Variants in KHK observed in about 807,000 individuals in gnomAD.
The protein encoded by KHK is ketohexokinase.
A neutral mutation model predicts 36.0 loss-of-function variants in KHK; 37 were observed. The ratio of observed to expected loss-of-function variants is 1.03; its 90% CI spans 0.79 to 1.35. KHK has a LOEUF of 1.35. Ranked by LOEUF, KHK falls within the 40% of genes most tolerant of loss-of-function variation. The probability of loss-of-function intolerance (pLI) is 0.00; values close to 1 mark genes in which losing one functional copy is unlikely to be tolerated. For missense variants in KHK, 395 were observed against 391.9 expected, an observed-to-expected ratio of 1.01 and a Z score of -0.07; for synonymous variants, 161 against 162.8, an observed-to-expected ratio of 0.99 and a Z score of 0.08.
intron 4 of KHK, 78 bp downstream of exon 4, chr2:27,096,879 T>C (rs942038444): frequency 9.4e-5 from 100 of 1,066,262 alleles, no homozygotes; most frequent in Non-Finnish European, 1.3e-4. Flanking sequence ...TTGGTTTCTT[T>C]GAATCATGAA....
chr2:27,095,913 T>G (rs919921497), intron 3 of KHK, among the ~76,000 whole-genome samples: 5 of 152,242 alleles, frequency 3.3e-5, no homozygotes, highest in African/African-American at 1.2e-4. Context: ...ACAACATAGC[T>G]ATTTACAGGA....
Position 27,094,466 on chromosome 2 carries a change from C to T in KHK, c.210-334C>T, listed in dbSNP as rs368871098. 1.7e-5 allele frequency: 27 copies of T among 1,612,690 alleles called. No individual in the cohort carries two copies. Among genetic ancestry groups the T allele is most frequent in the Non-Finnish European group, 1.9e-5 (23 of 1,180,020 alleles). On this transcript the variant is annotated intron_variant, in intron 2 of 7. Transcript: ENST00000260598. ...GAACTGCACCCCCTTCGGGTTACTC[C>T]GCCCTAGCAGTTTTGTCCTGGATGA...
chr2:27,098,257 A>T (rs1477783804), intron 5 of KHK, among the ~76,000 whole-genome samples: 1 of 152,072 alleles, frequency 6.6e-6, no homozygotes, highest in South Asian at 2.1e-4. Context: ...GTAGTGGCTC[A>T]CACTTGTAAT....
chr2:27,087,686 C>T (rs951180841), intron 1 of KHK, among the ~76,000 whole-genome samples: 1 of 152,236 alleles, frequency 6.6e-6, no homozygotes, highest in African/African-American at 2.4e-5. Flanking sequence ...TCCAGGGGCA[C>T]ACAGCTACCT....
Position 27,086,962 on chromosome 2 carries a change from G to A in KHK, c.-298G>A. 2.8e-6 allele frequency: 1 copy of A among 357,592 alleles called. No individual in the cohort carries two copies. The highest frequency in any genetic ancestry group is 5.2e-6 in the Non-Finnish European group (1 of 193,308). 22.2% of individuals were successfully genotyped at this position (357,592 alleles called of 1,614,324 possible). On this transcript the variant is annotated 5_prime_UTR_variant, in exon 1 of 8. Coordinates refer to ENST00000260598, the MANE Select transcript of KHK (RefSeq NM_006488.3). ...TGACAAGCGAGGAAACTAAGGCTGA[G>A]AAGTGGGAGGCGTTGCCATCTGCAG...
At chr2:27,088,960 TGA>T (rs1669826284) in intron 1 of KHK, among the ~76,000 whole-genome samples, 1 of 151,992 alleles carries the variant, frequency 6.6e-6, no homozygotes, top group South Asian at 2.1e-4. Context: ...CTAACTGAGG[TGA>T]GAGACCCCGA....
At chr2:27,090,362 G>A (rs1031480208) in intron 1 of KHK, among the ~76,000 whole-genome samples, 5 of 151,904 alleles carry the variant, frequency 3.3e-5, no homozygotes, top group African/African-American at 1.2e-4. Context: ...CAGATCCCTC[G>A]AGATTCCTCC....
chr2:27,096,442 T>C (rs1670354524), intron 3 of KHK, among the ~76,000 whole-genome samples: 1 of 152,186 alleles, frequency 6.6e-6, no homozygotes. Context: ...CAGTGCATTC[T>C]GGGAGATGCA....
chr2:27,100,669 T>A lies in KHK; in HGVS notation c.*919T>A. On this transcript the variant is annotated 3_prime_UTR_variant, in exon 8 of 8. Coordinates refer to ENST00000260598, the MANE Select transcript of KHK (RefSeq NM_006488.3). The stretch of plus-strand genomic sequence containing the variant: ...ACTTAACGCAATCTGCCTCAATTTC[T>A]TCATCTGTCAAATGGAACCAATTCT... 9.3e-7 allele frequency: 1 copy of A among 1,075,986 alleles called. No homozygotes were observed. The highest frequency in any genetic ancestry group is 1.2e-6 in the Non-Finnish European group (1 of 832,706). 66.7% of individuals were successfully genotyped at this position (1,075,986 alleles called of 1,614,324 possible).
Position 27,087,222 on chromosome 2 carries a change from C to A in KHK, c.-38C>A. The A allele has an allele frequency of 6.5e-7, 1 of 1,531,018 alleles. No individual in the cohort carries two copies. Among genetic ancestry groups the A allele is most frequent in the South Asian group, 1.2e-5 (1 of 83,922 alleles). The allele number at this position is 1,531,018 out of a possible 1,614,324, so 94.8% of individuals were successfully genotyped here. A position where few individuals can be genotyped will look rare whatever the true frequency, so the allele number is the denominator to read the frequency against. ...AAGAGGCAGAGGCCGGGAGGAACCC[C>A]GTCAGCCGGGCGGGCAGGAAGCTCT... is the stretch of plus-strand genomic sequence containing the variant. On this transcript the variant is annotated 5_prime_UTR_variant, in exon 1 of 8. Transcript: ENST00000260598.
At chr2:27,088,023 G>C (rs1043415569) in intron 1 of KHK, 2 of 151,462 alleles carry the variant, frequency 1.3e-5, no homozygotes, top group African/African-American at 4.9e-5. Context: ...TTTCACAGAG[G>C]TCAATGAACA....
At chr2:27,094,718 C>T in intron 2 of KHK, 82 bp from the exon 3 acceptor site, 5 of 1,612,894 alleles carry the variant, frequency 3.1e-6, no homozygotes, top group Non-Finnish European at 4.2e-6. Context: ...ACCCTCTCCC[C>T]ACTCCTTTTG....
chr2:27,095,323 G>A (rs142388387), intron 3 of KHK, among the ~76,000 whole-genome samples: 3 of 146,712 alleles, frequency 2.0e-5, no homozygotes, highest in Non-Finnish European at 4.4e-5. Flanking sequence ...GAAGGGCTGT[G>A]GGGGGGTGCC....
chr2:27,087,596 C>CTCAGGCATCAGGTGTCAGGTG, intron 1 of KHK, among the ~76,000 whole-genome samples: 1 of 149,980 alleles, frequency 6.7e-6, no homozygotes, highest in Non-Finnish European at 1.5e-5. Flanking sequence ...TCCATTTCAA[C>CTCAGGCATCAGGTGTCAGGTG]TCAGGCATCA....
chr2:27,090,833 C>T lies in KHK; in HGVS notation c.93-1499C>T, dbSNP rs528999114. Among the ~76,000 whole-genome samples the T allele has an allele frequency of 3.3e-5, 5 of 151,914 alleles. No individual in the cohort carries two copies. In the South Asian group the frequency reaches 1.0e-3, roughly 32 times the overall value. ...CTTTGGGAGGCCAAGGCAGGAGGATCGCTTGAGCCGAGGAGTTCGGGACCA... is the reference window on the plus strand; with the variant it reads ...CTTTGGGAGGCCAAGGCAGGAGGATTGCTTGAGCCGAGGAGTTCGGGACCA... On this transcript the variant is annotated intron_variant, in intron 1 of 7. Coordinates refer to ENST00000260598, the MANE Select transcript of KHK (RefSeq NM_006488.3).
chr2:27,097,649 G>A lies in KHK; in HGVS notation c.564G>A (p.Val188=). 6.2e-7 allele frequency: 1 copy of A among 1,613,900 alleles called. No individual in the cohort carries two copies. The highest frequency in any genetic ancestry group is 8.5e-7 in the Non-Finnish European group (1 of 1,180,004). Residue 188 remains valine, a splice_region_variant and synonymous_variant, in exon 5 of 8, where the codon GTG becomes GTA. Transcript: ENST00000260598. ...ELFQLFGYGD[V]VFVSKDVAKH... ...TCCAGCTGTTTGGCTACGGAGACGT[G>A]GTGGGTGCCCCATTCAGCCTCTCTT...
At chr2:27,090,397 A>G (rs1669915904) in intron 1 of KHK, among the ~76,000 whole-genome samples, 1 of 151,212 alleles carries the variant, frequency 6.6e-6, no homozygotes, top group Non-Finnish European at 1.5e-5. Flanking sequence ...TTTTCGTAAA[A>G]ATTTCTGTAA....
At chr2:27,088,876 G>A (rs79857216) in intron 1 of KHK, among the ~76,000 whole-genome samples, 3 of 152,060 alleles carry the variant, frequency 2.0e-5, no homozygotes, top group East Asian at 1.9e-4. Flanking sequence ...ATCAGTTGTC[G>A]CAGCTAAGAA....
At chr2:27,099,640 A>T (rs1192189618) in intron 7 of KHK, 25 bp from the exon 8 acceptor site, 1 of 1,614,094 alleles carries the variant, frequency 6.2e-7, no homozygotes, top group South Asian at 1.1e-5. Context: ...CACCTGGCTG[A>T]CCTAGCTACT....
Sources: allele counts gnomAD v4.1 joint callset (sites outside exome capture counted in the v4.1 genomes callset), GRCh38; gene constraint gnomAD v4.1.1; transcripts MANE v1.5; gene names NCBI Gene and HGNC (gene_info 2026-07-23, HGNC 2026-07-21).